The following CSMD1 variants were observed in gnomAD, a reference collection of about 807,000 sequenced individuals.
The protein encoded by CSMD1 is CUB and sushi domain-containing protein 1.
In CSMD1, 213 loss-of-function variants were observed where a neutral mutation model predicts 417.5. The observed-to-expected ratio is 0.51, with a 90% confidence interval of 0.46 to 0.57. The LOEUF (loss-of-function observed/expected upper bound fraction) is 0.57, where lower values mean the gene tolerates loss of function less well. Among genes scored for constraint, CSMD1 ranks in the 20% least tolerant of loss-of-function variants. CSMD1 has a pLI of 0.00. For missense variants in CSMD1, 6,923 were observed against 4,529.7 expected (o/e 1.53, Z -15.17); for synonymous variants, 2,862 against 1,736.8 (o/e 1.65, Z -16.11).
chr8:3,635,476 T>A (rs1483697884), intron 7 of CSMD1, among the ~76,000 whole-genome samples: 2 of 140,278 alleles, frequency 1.4e-5, no homozygotes, highest in African/African-American at 5.4e-5. Context: ...GGAGCAAGAC[T>A]CCATCTCTTT....
At chr8:3,678,911 C>A (rs1227418294) in intron 7 of CSMD1, among the ~76,000 whole-genome samples, 1 of 152,068 alleles carries the variant, frequency 6.6e-6, no homozygotes, top group African/African-American at 2.4e-5. Context: ...CAATTTTCAA[C>A]CCAGAATTTC....
chr8:3,923,413 T>G (rs1277244590), intron 5 of CSMD1, among the ~76,000 whole-genome samples: 1 of 152,230 alleles, frequency 6.6e-6, no homozygotes, highest in Non-Finnish European at 1.5e-5. Flanking sequence ...TTTTGTCAAT[T>G]TGATTATATT....
intron 2 of CSMD1, among the ~76,000 whole-genome samples, chr8:4,457,700 G>C (rs932241431): frequency 2.6e-5 from 4 of 152,106 alleles, no homozygotes; most frequent in South Asian, 4.1e-4. Flanking sequence ...ACATGGGAGA[G>C]GCAGCTTCCC....
intron 41 of CSMD1, among the ~76,000 whole-genome samples, chr8:3,138,476 G>C (rs1447604177): frequency 2.0e-5 from 3 of 152,198 alleles, no homozygotes; most frequent in Non-Finnish European, 4.4e-5. Flanking sequence ...CCTGAGTCCA[G>C]AAGTAGAGAG....
intron 1 of CSMD1, among the ~76,000 whole-genome samples, chr8:4,828,815 G>C (rs1185314628): frequency 2.0e-5 from 3 of 152,076 alleles, no homozygotes; most frequent in Admixed American, 1.3e-4. Flanking sequence ...AAGTACTGTT[G>C]TGAAGAACTG....
chr8:4,338,130 T>C lies in CSMD1; in HGVS notation c.415+81823A>G, dbSNP rs150555140. Among the ~76,000 whole-genome samples the C allele has an allele frequency of 8.2e-3, 1,256 of 152,288 alleles. 18 individuals carry two copies. The highest frequency in any genetic ancestry group is 0.029 in the African/African-American group (1,193 of 41,576). On this transcript the variant is annotated intron_variant, in intron 3 of 69. Transcript: ENST00000635120. The stretch of plus-strand genomic sequence containing the variant: ...TGTACAATTAATTTGAGAATTACTA[T>C]GATTTTTATTCCAAAGCATGGTAGT...
chr8:3,968,861 C>A (rs918101551), intron 5 of CSMD1, among the ~76,000 whole-genome samples: 20 of 152,208 alleles, frequency 1.3e-4, no homozygotes, highest in African/African-American at 4.8e-4. Flanking sequence ...TTCGATCACA[C>A]ATCATCTTTT....
At chr8:4,008,611 T>TC (rs1375252631) in intron 4 of CSMD1, among the ~76,000 whole-genome samples, 1 of 131,916 alleles carries the variant, frequency 7.6e-6, no homozygotes, top group African/African-American at 2.9e-5. Flanking sequence ...TTTTTTTTTT[T>TC]TTTTTTTTTT....
intron 18 of CSMD1, among the ~76,000 whole-genome samples, chr8:3,384,864 AAATATATATTATATATGCAAATATAT>A (rs1343339169): frequency 4.9e-5 from 6 of 122,910 alleles, no homozygotes; most frequent in African/African-American, 1.9e-4. Context: ...ATTTATATGT[AAATATATATTATATATGCAAATATAT>A]AATATATATT....
intron 3 of CSMD1, among the ~76,000 whole-genome samples, chr8:4,039,283 C>T (rs1563350390): frequency 6.6e-6 from 1 of 152,152 alleles, no homozygotes; most frequent in African/African-American, 2.4e-5. Flanking sequence ...CAAATTCCTT[C>T]ATGATGTGTA....
At chr8:3,097,160 C>T (rs1292604264) in intron 46 of CSMD1, 123 bp from the exon 47 acceptor site, 2 of 663,622 alleles carry the variant, frequency 3.0e-6, no homozygotes, top group East Asian at 5.7e-5. Flanking sequence ...GAGCTCTGGC[C>T]AAATTTAATA....
intron 1 of CSMD1, among the ~76,000 whole-genome samples, chr8:4,911,061 G>C (rs2117089471): frequency 6.6e-6 from 1 of 152,200 alleles, no homozygotes; most frequent in Middle Eastern, 3.4e-3. Flanking sequence ...GCTCCTCCTT[G>C]CCTTCCACCA....
chr8:3,278,503 A>G (rs1194829997), intron 26 of CSMD1: 1 of 152,226 alleles, frequency 6.6e-6, no homozygotes, highest in Admixed American at 6.5e-5. Flanking sequence ...AACAATGGCC[A>G]CACTTAAAAC....
chr8:3,539,129 G>A (rs771896172), intron 10 of CSMD1, among the ~76,000 whole-genome samples: 1 of 152,148 alleles, frequency 6.6e-6, no homozygotes, highest in Non-Finnish European at 1.5e-5. Context: ...AGCAGGGACC[G>A]CTTGTCTTTC....
chr8:4,743,427 A>T (rs1305423879), intron 1 of CSMD1, among the ~76,000 whole-genome samples: 1 of 152,166 alleles, frequency 6.6e-6, no homozygotes, highest in Non-Finnish European at 1.5e-5. Context: ...GCAAAAAATG[A>T]ACGTGTGTCA....
intron 1 of CSMD1, among the ~76,000 whole-genome samples, chr8:4,905,274 C>T (rs531407776): frequency 6.6e-6 from 1 of 152,180 alleles, no homozygotes; most frequent in South Asian, 2.1e-4. Context: ...CAGTCATTTG[C>T]TGAAGTTTAG....
At chr8:4,418,881 G>C (rs922161505) in intron 3 of CSMD1, among the ~76,000 whole-genome samples, 2 of 152,132 alleles carry the variant, frequency 1.3e-5, no homozygotes, top group Admixed American at 1.3e-4. Flanking sequence ...AGACATTAGA[G>C]GCAGAATCGC....
chr8:3,293,591 T>G (rs974874490), intron 25 of CSMD1, among the ~76,000 whole-genome samples: 5 of 152,230 alleles, frequency 3.3e-5, no homozygotes, highest in African/African-American at 9.6e-5. Context: ...CTTCCATCAC[T>G]GATACCTTGT....
intron 12 of CSMD1, among the ~76,000 whole-genome samples, chr8:3,410,223 C>T (rs1194735956): frequency 6.6e-6 from 1 of 152,156 alleles, no homozygotes; most frequent in Non-Finnish European, 1.5e-5. Flanking sequence ...ATGTTAACTA[C>T]ACAGAATGTT....
Sources: gnomAD v4.1 joint callset for allele counts (sites outside exome capture counted in the v4.1 genomes callset) on GRCh38, gnomAD v4.1.1 for gene constraint, MANE v1.5 for transcripts, NCBI Gene and HGNC (gene_info 2026-07-23, HGNC 2026-07-21) for gene names.